ANKS1B: variants seen among roughly 807,000 people sequenced by gnomAD.
The protein encoded by ANKS1B is ankyrin repeat and sterile alpha motif domain containing 1B.
ANKS1B carries 36 observed loss-of-function variants against 148.3 expected under a neutral mutation model. That is an observed-to-expected ratio of 0.24 (90% CI 0.19 to 0.32). ANKS1B has a LOEUF of 0.32. ANKS1B is among the 10% of genes least tolerant of loss of function. The probability of loss-of-function intolerance (pLI) is 1.00; values close to 1 mark genes in which losing one functional copy is unlikely to be tolerated. For synonymous variants in ANKS1B, 542 were observed against 560.8 expected, an observed-to-expected ratio of 0.97 and a Z score of 0.47; for missense variants, 1,157 against 1,542.6, an observed-to-expected ratio of 0.75 and a Z score of 4.19.
intron 12 of ANKS1B, among the ~76,000 whole-genome samples, chr12:99,309,752 C>T (rs546264106): frequency 6.6e-6 from 1 of 152,058 alleles, no homozygotes; most frequent in Non-Finnish European, 1.5e-5. Context: ...CCATATATTA[C>T]AATTGGTGTA....
At chr12:99,022,806 C>T (rs1025755411) in intron 17 of ANKS1B, among the ~76,000 whole-genome samples, 7 of 152,074 alleles carry the variant, frequency 4.6e-5, no homozygotes, top group Admixed American at 3.3e-4. Context: ...CCTGCCTCAG[C>T]CTCCTGAGTC....
At chr12:99,166,004 A>T (rs2077154679) in intron 14 of ANKS1B, among the ~76,000 whole-genome samples, 1 of 151,914 alleles carries the variant, frequency 6.6e-6, no homozygotes, top group South Asian at 2.1e-4. Context: ...GATTCATCAG[A>T]TTAACTAATA....
At chr12:99,081,988 A>C (rs2049949803) in intron 16 of ANKS1B, among the ~76,000 whole-genome samples, 1 of 152,170 alleles carries the variant, frequency 6.6e-6, no homozygotes, top group Non-Finnish European at 1.5e-5. Flanking sequence ...ATAGCATAGA[A>C]GTGGCTGAAT....
At chr12:99,090,648 A>G in intron 15 of ANKS1B, among the ~76,000 whole-genome samples, 1 of 152,186 alleles carries the variant, frequency 6.6e-6, no homozygotes, top group East Asian at 1.9e-4. Context: ...TATAACATAA[A>G]TAGCATGGTA....
At chr12:99,065,517 A>G (rs529067157) in intron 16 of ANKS1B, among the ~76,000 whole-genome samples, 5 of 152,274 alleles carry the variant, frequency 3.3e-5, no homozygotes, top group South Asian at 2.1e-4. Flanking sequence ...TGTCATTCAC[A>G]TGGTGGTCAA....
At chr12:99,248,427 C>A (rs1367025722) in intron 12 of ANKS1B, among the ~76,000 whole-genome samples, 2 of 152,132 alleles carry the variant, frequency 1.3e-5, no homozygotes, top group Non-Finnish European at 2.9e-5. Context: ...GAAGAGAGAT[C>A]CAAGACACAT....
At chr12:99,925,775 A>T (rs1032578075) in intron 1 of ANKS1B, among the ~76,000 whole-genome samples, 4 of 152,224 alleles carry the variant, frequency 2.6e-5, no homozygotes, top group African/African-American at 9.6e-5. Flanking sequence ...TTTGTTTCTG[A>T]AAACCTAACA....
At chr12:99,189,842 G>T (rs1412662217) in intron 14 of ANKS1B, among the ~76,000 whole-genome samples, 2 of 152,138 alleles carry the variant, frequency 1.3e-5, no homozygotes, top group Admixed American at 1.3e-4. Flanking sequence ...TCTGGCCAGG[G>T]CAATCAGGCA....
intron 1 of ANKS1B, among the ~76,000 whole-genome samples, chr12:99,941,669 T>TGATC: frequency 6.6e-6 from 1 of 151,972 alleles, no homozygotes; most frequent in Non-Finnish European, 1.5e-5. Context: ...AAAAACTGAT[T>TGATC]GAAAACTGAT....
intron 19 of ANKS1B, among the ~76,000 whole-genome samples, chr12:98,813,903 CAG>C (rs2099117879): frequency 6.7e-6 from 1 of 149,210 alleles, no homozygotes; most frequent in Non-Finnish European, 1.5e-5. Context: ...GTTTTTGAGA[CAG>C]AGTCTTGCTC....
At chr12:98,917,362 G>A (rs375514696) in intron 17 of ANKS1B, among the ~76,000 whole-genome samples, 1 of 152,056 alleles carries the variant, frequency 6.6e-6, no homozygotes, top group East Asian at 1.9e-4. Context: ...AGGAAATGTC[G>A]GGGCCCATCC....
chr12:99,627,114 T>G (rs2098118234), intron 9 of ANKS1B, among the ~76,000 whole-genome samples: 1 of 152,210 alleles, frequency 6.6e-6, no homozygotes, highest in Non-Finnish European at 1.5e-5. Context: ...GAAATAGGAC[T>G]CCTTGAAGTT....
At chr12:99,064,712 T>C (rs1024478020) in intron 16 of ANKS1B, among the ~76,000 whole-genome samples, 1 of 152,232 alleles carries the variant, frequency 6.6e-6, no homozygotes, top group East Asian at 1.9e-4. Context: ...TGAGAAATGC[T>C]ATCTGCCATG....
chr12:99,389,199 G>C (rs1013825987), intron 12 of ANKS1B, among the ~76,000 whole-genome samples: 2 of 152,184 alleles, frequency 1.3e-5, no homozygotes, highest in Non-Finnish European at 1.5e-5. Context: ...AGAATGTCTG[G>C]AACAAGTTCT....
Position 98,751,298 on chromosome 12 carries a change from CA to C in ANKS1B, c.3747+56del. On this transcript the variant is annotated intron_variant, in intron 26 of 26. Coordinates refer to ENST00000683438, the MANE Select transcript of ANKS1B (RefSeq NM_001352186.2). This position sits in a 1 kb window ranked among gnomAD's most constrained non-coding sequence, Gnocchi z 4.3. Reference sequence around the variant, plus strand: ...CCACACCACACAAGGGCCTGGTTAGCAGCCCCTTTTCCTCCTGTTCAAGGTT... The same window carrying C: ...CCACACCACACAAGGGCCTGGTTAGCGCCCCTTTTCCTCCTGTTCAAGGTT... 2.6e-6 allele frequency: 4 copies of C among 1,563,514 alleles called. No homozygotes were observed. The highest frequency in any genetic ancestry group is 3.5e-6 in the Non-Finnish European group (4 of 1,149,738).
At chr12:98,958,450 T>G (rs1207338089) in intron 17 of ANKS1B, among the ~76,000 whole-genome samples, 1 of 152,232 alleles carries the variant, frequency 6.6e-6, no homozygotes, top group Non-Finnish European at 1.5e-5. Context: ...TGAAGCATTT[T>G]AAGGACTACT....
intron 12 of ANKS1B, among the ~76,000 whole-genome samples, chr12:99,255,444 A>T (rs2075145835): frequency 6.6e-6 from 1 of 152,072 alleles, no homozygotes; most frequent in Non-Finnish European, 1.5e-5. Context: ...GGCTTTGTGA[A>T]TTAATATTAC....
At chr12:99,359,745 G>A (rs1027805865) in intron 12 of ANKS1B, among the ~76,000 whole-genome samples, 2 of 151,968 alleles carry the variant, frequency 1.3e-5, no homozygotes, top group Admixed American at 6.6e-5. Context: ...TTCAAGTATC[G>A]ATCAACATTT....
At chr12:99,599,295 T>C (rs2097782008) in intron 9 of ANKS1B, among the ~76,000 whole-genome samples, 1 of 152,026 alleles carries the variant, frequency 6.6e-6, no homozygotes, top group East Asian at 1.9e-4. Context: ...TTGGTAGAAT[T>C]GGAAAATACA....
Sources: gnomAD v4.1 joint callset for allele counts (sites outside exome capture counted in the v4.1 genomes callset) on GRCh38, gnomAD v4.1.1 for gene constraint, Gnocchi (gnomAD v3.1) non-coding constraint, MANE v1.5 for transcripts, NCBI Gene and HGNC (gene_info 2026-07-23, HGNC 2026-07-21) for gene names.